ERC1: variants seen among roughly 807,000 people sequenced by gnomAD.
ERC1 encodes RAB6 interacting protein 2.
A neutral mutation model predicts 132.0 loss-of-function variants in ERC1; 56 were observed. That is an observed-to-expected ratio of 0.42 (90% CI 0.34 to 0.53). The LOEUF (loss-of-function observed/expected upper bound fraction) is 0.53, where lower values mean the gene tolerates loss of function less well. Among genes scored for constraint, ERC1 ranks in the 20% least tolerant of loss-of-function variants. ERC1 has a pLI of 0.03. For missense variants in ERC1, 1,202 were observed against 1,349.9 expected, an observed-to-expected ratio of 0.89 and a Z score of 1.72; for synonymous variants, 478 against 476.1, an observed-to-expected ratio of 1.00 and a Z score of -0.05.
At chr12:1,199,491 C>G (rs527297515) in intron 12 of ERC1, among the ~76,000 whole-genome samples, 1 of 152,162 alleles carries the variant, frequency 6.6e-6, no homozygotes, top group South Asian at 2.1e-4. Flanking sequence ...AATGTTATGG[C>G]CAGGCACGGT....
chr12:1,157,765 A>C (rs2906112), intron 8 of ERC1, among the ~76,000 whole-genome samples: 71,174 of 152,040 alleles, frequency 0.47, 19,778 homozygotes, highest in African/African-American at 0.78. Context: ...GGATGATCAG[A>C]TTTTTCAAAT....
intron 1 of ERC1, among the ~76,000 whole-genome samples, chr12:1,010,071 C>T (rs149299539): frequency 2.0e-5 from 3 of 152,138 alleles, no homozygotes; most frequent in African/African-American, 7.2e-5. Flanking sequence ...GTCTGTAATT[C>T]TACCTTAGTG....
chr12:1,431,570 G>A (rs1433968934), intron 17 of ERC1, among the ~76,000 whole-genome samples: 1 of 151,954 alleles, frequency 6.6e-6, no homozygotes, highest in Non-Finnish European at 1.5e-5. Flanking sequence ...ATTGCATAAC[G>A]ATTTTATTTA....
intron 16 of ERC1, among the ~76,000 whole-genome samples, chr12:1,399,393 A>C (rs1256202795): frequency 6.6e-6 from 1 of 152,214 alleles, no homozygotes; most frequent in Non-Finnish European, 1.5e-5. Flanking sequence ...TTGTTTAGTA[A>C]ATCACAGAAA....
In ERC1 at chr12:1,495,373, C is replaced by G. The variant is rs769623603; in HGVS notation, c.*5143C>G. On this transcript the variant is annotated 3_prime_UTR_variant, in exon 19 of 19. Coordinates refer to ENST00000360905, the MANE Select transcript of ERC1 (RefSeq NM_178040.4). ...CCTAGATCTCCTAGGCCCAGGCTCT[C>G]TCTTGACCCCAGAGAAGCCACTGTC... 1.3e-5 allele frequency: 3 copies of G among 228,302 alleles called. No individual in the cohort carries two copies. The highest frequency in any genetic ancestry group is 2.6e-5 in the Non-Finnish European group (3 of 115,012). 14.1% of individuals were successfully genotyped at this position (228,302 alleles called of 1,614,324 possible). A position where few individuals can be genotyped will look rare whatever the true frequency, so the allele number is the denominator to read the frequency against.
intron 18 of ERC1, chr12:1,445,115 C>A: frequency 5.6e-6 from 1 of 177,342 alleles, no homozygotes; most frequent in Non-Finnish European, 1.2e-5. Flanking sequence ...CTAACATATA[C>A]ATTCCCTCAC....
Position 1,405,062 on chromosome 12 carries a change from C to T in ERC1, c.2926-3087C>T, listed in dbSNP as rs542575316. ...GTCTGAGGCAAGAGAATTGCTTGAG[C>T]CCAGGAGGCAAAAGTTGCAGCGAGC... On this transcript the variant is annotated intron_variant, in intron 16 of 18. Coordinates refer to ENST00000360905, the MANE Select transcript of ERC1 (RefSeq NM_178040.4). Among the ~76,000 whole-genome samples the T allele has an allele frequency of 4.3e-3, 658 of 151,892 alleles. 3 individuals are homozygous for T. Among genetic ancestry groups the T allele is most frequent in the Non-Finnish European group, 7.1e-3 (486 of 67,986 alleles).
chr12:1,449,794 G>T (rs2093383928), intron 18 of ERC1, among the ~76,000 whole-genome samples: 1 of 151,994 alleles, frequency 6.6e-6, no homozygotes, highest in African/African-American at 2.4e-5. Context: ...ACACAGTAAA[G>T]TTAAACCTAT....
intron 7 of ERC1, among the ~76,000 whole-genome samples, chr12:1,118,731 C>T: frequency 6.6e-6 from 1 of 152,186 alleles, no homozygotes; most frequent in East Asian, 1.9e-4. Flanking sequence ...TTTATACCAG[C>T]TCTTTGAAAG....
At chr12:1,288,622 A>G (rs567225630) in intron 14 of ERC1, among the ~76,000 whole-genome samples, 1 of 152,320 alleles carries the variant, frequency 6.6e-6, no homozygotes, top group East Asian at 1.9e-4. Flanking sequence ...CAGTGAAACA[A>G]CTTTGATTTG....
intron 15 of ERC1, among the ~76,000 whole-genome samples, chr12:1,303,846 CAA>C (rs2080614782): frequency 6.7e-6 from 1 of 149,998 alleles, no homozygotes; most frequent in Non-Finnish European, 1.5e-5. Flanking sequence ...CCCAGCTACT[CAA>C]GAGGCTGAGG....
intron 12 of ERC1, among the ~76,000 whole-genome samples, chr12:1,203,042 G>C (rs973839018): frequency 6.6e-6 from 1 of 152,150 alleles, no homozygotes; most frequent in African/African-American, 2.4e-5. Flanking sequence ...ATGCCCAGGT[G>C]AGATGTCAGC....
At chr12:1,266,427 T>C (rs891324030) in intron 14 of ERC1, among the ~76,000 whole-genome samples, 1 of 124,534 alleles carries the variant, frequency 8.0e-6, no homozygotes, top group African/African-American at 3.2e-5. Context: ...TTTTTTGAGA[T>C]GGAGTCTTGC....
intron 15 of ERC1, among the ~76,000 whole-genome samples, chr12:1,355,320 TTTTC>T (rs1313457934): frequency 6.6e-6 from 1 of 152,230 alleles, no homozygotes; most frequent in Non-Finnish European, 1.5e-5. Flanking sequence ...AGTATTATTA[TTTTC>T]TTTTTTTTCA....
chr12:1,473,562 C>G (rs142081430), intron 18 of ERC1, among the ~76,000 whole-genome samples: 253 of 149,416 alleles, frequency 1.7e-3, no homozygotes, highest in African/African-American at 5.6e-3. Flanking sequence ...CCCAGGAGTT[C>G]CAGGCTGCAG....
intron 1 of ERC1, among the ~76,000 whole-genome samples, chr12:1,009,702 T>A (rs903047936): frequency 2.6e-5 from 4 of 152,268 alleles, no homozygotes; most frequent in Middle Eastern, 3.4e-3. Context: ...AGAAACATAA[T>A]TTAGTTATAC....
intron 17 of ERC1, among the ~76,000 whole-genome samples, chr12:1,413,458 A>T (rs1265934322): frequency 6.6e-6 from 1 of 152,000 alleles, no homozygotes; most frequent in Non-Finnish European, 1.5e-5. Context: ...GCTGGGTGTC[A>T]TGGCAGGCAC....
At chr12:1,443,800 A>C (rs1465720871) in intron 17 of ERC1, 1 of 152,290 alleles carries the variant, frequency 6.6e-6, no homozygotes, top group Admixed American at 6.5e-5. Flanking sequence ...AAGGAATCAA[A>C]GGAGTAGCTG....
At chr12:1,353,121 C>T (rs1208524915) in intron 15 of ERC1, among the ~76,000 whole-genome samples, 1 of 151,322 alleles carries the variant, frequency 6.6e-6, no homozygotes, top group East Asian at 1.9e-4. Context: ...AGCTCCGCCT[C>T]CCGGGTTCAC....
Sources: allele counts gnomAD v4.1 joint callset (sites outside exome capture counted in the v4.1 genomes callset), GRCh38; gene constraint gnomAD v4.1.1; transcripts MANE v1.5; gene names NCBI Gene and HGNC (gene_info 2026-07-23, HGNC 2026-07-21).